Variants in ADAMTS12 observed in about 807,000 individuals in gnomAD.
The protein encoded by ADAMTS12 is A disintegrin and metalloproteinase with thrombospondin motifs 12.
ADAMTS12 carries 118 observed loss-of-function variants against 167.8 expected under a neutral mutation model. That is an observed-to-expected ratio of 0.70 (90% CI 0.61 to 0.82). ADAMTS12 has a LOEUF of 0.82. Among genes scored for constraint, ADAMTS12 ranks in the 40% least tolerant of loss-of-function variants. ADAMTS12 has a pLI of 0.00. For synonymous variants in ADAMTS12, 704 were observed against 716.9 expected (o/e 0.98, Z 0.29); for missense variants, 1,916 against 1,998.8 (o/e 0.96, Z 0.79).
rs1388790822 is a variant in ADAMTS12 at position 33,540,613 on chromosome 5, GA to G, written c.4446+5445del. Among the ~76,000 whole-genome samples the G allele has an allele frequency of 2.0e-5, 3 of 152,348 alleles. No individual in the cohort carries two copies. In the East Asian group the frequency reaches 5.8e-4, roughly 29 times the overall value. On this transcript the variant is annotated intron_variant, in intron 22 of 23. Coordinates refer to ENST00000504830, the MANE Select transcript of ADAMTS12 (RefSeq NM_030955.4). ...ACCCTCTGGGACGAAGCTTCCAGGG[GA>G]AGGATCAGGCAGCAATATTTGCTCT...
intron 9 of ADAMTS12, among the ~76,000 whole-genome samples, chr5:33,646,207 T>C (rs1293378330): frequency 6.6e-6 from 1 of 152,214 alleles, no homozygotes; most frequent in Non-Finnish European, 1.5e-5. Context: ...CTTACCTCTA[T>C]AAATCTTCTA....
At chr5:33,777,994 C>G (rs1389300290) in intron 2 of ADAMTS12, among the ~76,000 whole-genome samples, 2 of 151,770 alleles carry the variant, frequency 1.3e-5, no homozygotes, top group African/African-American at 4.8e-5. Context: ...ACATTGAAAA[C>G]TGTAAATCAC....
chr5:33,855,983 C>A (rs1375758337), intron 2 of ADAMTS12, among the ~76,000 whole-genome samples: 1 of 152,178 alleles, frequency 6.6e-6, no homozygotes, highest in Non-Finnish European at 1.5e-5. Context: ...CCTCCTGCCT[C>A]AGCCTCCCAA....
chr5:33,883,327 G>GTTTTTTTTTTTGGTTTTTTTTTTT (rs1750519845), intron 1 of ADAMTS12, among the ~76,000 whole-genome samples: 2 of 111,606 alleles, frequency 1.8e-5, no homozygotes, highest in African/African-American at 3.3e-5. Context: ...TTTTTTTTTT[G>GTTTTTTTTTTTGGTTTTTTTTTTT]TTTTTTTTTT....
At chr5:33,636,851 T>G (rs1740222745) in intron 12 of ADAMTS12, among the ~76,000 whole-genome samples, 1 of 152,210 alleles carries the variant, frequency 6.6e-6, no homozygotes. Context: ...CTTCTTCATT[T>G]TAAGGAGAGA....
intron 5 of ADAMTS12, among the ~76,000 whole-genome samples, chr5:33,677,642 C>T (rs1264794681): frequency 2.6e-5 from 4 of 152,098 alleles, no homozygotes; most frequent in African/African-American, 9.7e-5. Context: ...GAATTTGGGC[C>T]ATAAAATGAA....
chr5:33,574,705 A>T (rs1452626199), intron 19 of ADAMTS12, among the ~76,000 whole-genome samples: 1 of 152,194 alleles, frequency 6.6e-6, no homozygotes, highest in African/African-American at 2.4e-5. Flanking sequence ...TATGTAACAA[A>T]CATGCACATT....
At chr5:33,623,349 A>T (rs1739422789) in intron 14 of ADAMTS12, among the ~76,000 whole-genome samples, 2 of 152,230 alleles carry the variant, frequency 1.3e-5, no homozygotes, top group African/African-American at 4.8e-5. Context: ...TCCCTAGAGT[A>T]ACCTCAACCC....
intron 2 of ADAMTS12, among the ~76,000 whole-genome samples, chr5:33,856,654 T>A (rs909757378): frequency 1.3e-5 from 2 of 149,824 alleles, no homozygotes; most frequent in African/African-American, 2.5e-5. Flanking sequence ...TATGAAAAGG[T>A]GGAAAACTTC....
chr5:33,850,238 A>ATG (rs1439231548), intron 2 of ADAMTS12, among the ~76,000 whole-genome samples: 2 of 152,158 alleles, frequency 1.3e-5, no homozygotes, highest in African/African-American at 4.8e-5. Context: ...CTGACCCAGG[A>ATG]TGTGGCATGG....
intron 3 of ADAMTS12, among the ~76,000 whole-genome samples, chr5:33,702,300 G>T (rs1211543841): frequency 6.6e-6 from 1 of 152,118 alleles, no homozygotes; most frequent in Non-Finnish European, 1.5e-5. Context: ...CTCTACCAGG[G>T]TATTATTTCT....
chr5:33,860,308 G>C (rs1442929340), intron 2 of ADAMTS12, among the ~76,000 whole-genome samples: 2 of 152,130 alleles, frequency 1.3e-5, no homozygotes, highest in African/African-American at 4.8e-5. Flanking sequence ...CCAGTTTAAA[G>C]AAGAACATAA....
intron 3 of ADAMTS12, among the ~76,000 whole-genome samples, chr5:33,687,498 A>G (rs888574778): frequency 6.6e-6 from 1 of 152,224 alleles, no homozygotes; most frequent in South Asian, 2.1e-4. Flanking sequence ...GGCCCAAGTT[A>G]CTCTCCTGAA....
At chr5:33,552,864 A>G (rs1287780375) in intron 20 of ADAMTS12, among the ~76,000 whole-genome samples, 1 of 152,180 alleles carries the variant, frequency 6.6e-6, no homozygotes, top group Non-Finnish European at 1.5e-5. Context: ...AATGGGATCT[A>G]TTAAACTAAA....
chr5:33,800,110 C>A (rs1038857360), intron 2 of ADAMTS12, among the ~76,000 whole-genome samples: 1 of 152,174 alleles, frequency 6.6e-6, no homozygotes, highest in African/African-American at 2.4e-5. Context: ...TAGCAAAATA[C>A]AAACGCAGTT....
intron 18 of ADAMTS12, among the ~76,000 whole-genome samples, chr5:33,582,026 T>G (rs2111984760): frequency 6.6e-6 from 1 of 152,302 alleles, no homozygotes; most frequent in South Asian, 2.1e-4. Flanking sequence ...TGCCAACACC[T>G]TGACCTTGGA....
chr5:33,595,104 T>C (rs375279089), intron 17 of ADAMTS12, among the ~76,000 whole-genome samples: 2 of 152,162 alleles, frequency 1.3e-5, no homozygotes, highest in South Asian at 4.1e-4. Flanking sequence ...CCTCTCCCTT[T>C]TTCCCTCCCT....
intron 2 of ADAMTS12, among the ~76,000 whole-genome samples, chr5:33,861,481 C>A (rs887458331): frequency 1.3e-5 from 2 of 152,030 alleles, no homozygotes; most frequent in African/African-American, 4.8e-5. Flanking sequence ...CAGCTAACTA[C>A]CCTAAATATA....
At chr5:33,885,723 A>C (rs1750611350) in intron 1 of ADAMTS12, among the ~76,000 whole-genome samples, 1 of 152,212 alleles carries the variant, frequency 6.6e-6, no homozygotes, top group Admixed American at 6.5e-5. Flanking sequence ...GGAAGAATTC[A>C]CCTTGGAAGA....
Sources: allele counts gnomAD v4.1 joint callset (sites outside exome capture counted in the v4.1 genomes callset), GRCh38; gene constraint gnomAD v4.1.1; transcripts MANE v1.5; gene names NCBI Gene and HGNC (gene_info 2026-07-23, HGNC 2026-07-21).